MATN2: variants seen among roughly 807,000 people sequenced by gnomAD.
MATN2 encodes the protein matrilin 2, also known as matrilin-2.
MATN2 carries 69 observed loss-of-function variants against 103.2 expected under a neutral mutation model. The observed-to-expected ratio is 0.67, with a 90% CI of 0.55 to 0.82. MATN2 has a LOEUF of 0.82. MATN2 is among the 40% of genes least tolerant of loss of function. The pLI is 0.00. For missense variants in MATN2, 1,023 were observed against 1,211.5 expected, an observed-to-expected ratio of 0.84 and a Z score of 2.31; for synonymous variants, 429 against 450.2, an observed-to-expected ratio of 0.95 and a Z score of 0.60.
At chr8:97,903,316 A>G (rs1819051403) in intron 2 of MATN2, among the ~76,000 whole-genome samples, 1 of 152,160 alleles carries the variant, frequency 6.6e-6, no homozygotes, top group African/African-American at 2.4e-5. Context: ...TTATAATGCC[A>G]GGGTAAAGAT....
chr8:97,876,608 G>A (rs1818080571), intron 1 of MATN2, among the ~76,000 whole-genome samples: 2 of 152,170 alleles, frequency 1.3e-5, no homozygotes, highest in Admixed American at 6.5e-5. Flanking sequence ...ACAGGCTTAA[G>A]CCACTGCGCC....
intron 5 of MATN2, among the ~76,000 whole-genome samples, chr8:97,973,089 A>G (rs1425892191): frequency 6.6e-6 from 1 of 152,184 alleles, no homozygotes; most frequent in African/African-American, 2.4e-5. Flanking sequence ...TGGCCTTAAA[A>G]AACTGTTAGA....
intron 1 of MATN2, among the ~76,000 whole-genome samples, chr8:97,874,406 C>CTTCTTTTT (rs371042037): frequency 4.4e-5 from 6 of 136,094 alleles, no homozygotes; most frequent in Non-Finnish European, 7.9e-5. Context: ...TCTTCTTCTT[C>CTTCTTTTT]TTTTTTTTTT....
intron 2 of MATN2, among the ~76,000 whole-genome samples, chr8:97,905,655 G>A (rs1368604896): frequency 1.3e-5 from 2 of 151,970 alleles, no homozygotes; most frequent in African/African-American, 4.8e-5. Flanking sequence ...GGGTTTTTTT[G>A]TTTTGTTTTG....
Position 98,003,713 on chromosome 8 carries a change from C to T in MATN2, c.1257C>T (p.Asn419=). 1.9e-6 allele frequency: 3 copies of T among 1,613,944 alleles called. No homozygotes were observed. The highest frequency in any genetic ancestry group is 2.5e-6 in the Non-Finnish European group (3 of 1,179,846). Residue 419 remains asparagine, a synonymous_variant, in exon 8 of 19, where the codon AAC becomes AAT. Transcript: ENST00000254898. ...CGGGCTGTGAGCATGAGTGCGTCAA[C>T]ATGGAGGAGAGCTACTACTGCCGCT... The part of the protein sequence containing the change: ...NKPGCEHECV[N]MEESYYCRCH...
intron 6 of MATN2, among the ~76,000 whole-genome samples, chr8:97,979,353 G>A (rs1017952856): frequency 1.3e-5 from 2 of 152,230 alleles, no homozygotes; most frequent in Non-Finnish European, 2.9e-5. Context: ...TTTCATTGAA[G>A]CTTTGTGGCT....
At chr8:98,008,682 C>G (rs2444894) in intron 10 of MATN2, among the ~76,000 whole-genome samples, 1 of 152,112 alleles carries the variant, frequency 6.6e-6, no homozygotes, top group Non-Finnish European at 1.5e-5. Flanking sequence ...AGGGAGGGAT[C>G]GGGCACAGGG....
At chr8:98,033,229 T>C in intron 17 of MATN2, 53 bp downstream of exon 17, 1 of 1,488,132 alleles carries the variant, frequency 6.7e-7, no homozygotes, top group Non-Finnish European at 9.0e-7. Flanking sequence ...GCCTTTCGGC[T>C]TGCCAACAAC....
rs1489296018 is a variant in MATN2, at chr8:98,024,427, C to T, written c.1943-2989C>T. Among the ~76,000 whole-genome samples, 24 of 152,168 alleles carry T rather than the reference C, an allele frequency of 1.6e-4. 1 individual carries two copies. The highest frequency in any genetic ancestry group is 1.6e-3 in the Admixed American group (24 of 15,270). ...GGCTGAGACAGGAGAATCACTTGAACCCAGGAGGTGGAGGCAGCAGTGAGC... is the reference window on the plus strand; with the variant it reads ...GGCTGAGACAGGAGAATCACTTGAATCCAGGAGGTGGAGGCAGCAGTGAGC... On this transcript the variant is annotated intron_variant, in intron 13 of 18. Transcript: ENST00000254898.
Position 98,018,113 on chromosome 8 carries a change from C to G in MATN2, c.1816C>G (p.Arg606Gly). 1 of 1,613,634 alleles carries G rather than the reference C, an allele frequency of 6.2e-7. No homozygotes were observed. The highest frequency in any genetic ancestry group is 1.1e-5 in the South Asian group (1 of 91,044). The change falls in exon 12 of 19, where the codon CGA (arginine) becomes GGA (glycine). Residue 606 changes from arginine to glycine, a missense_variant. Transcript: ENST00000254898. ...GCTCGCTGAGGATGGGAAACGCTGC[C>G]GAAGTAAGTAGCCTCGAGGTGGAGA... ...FRLAEDGKRCRRKDVCKSTHH... is the reference protein window; with the variant it reads ...FRLAEDGKRCGRKDVCKSTHH...
chr8:97,945,207 A>G lies in MATN2; in HGVS notation c.835+3308A>G, dbSNP rs141906496. Among the ~76,000 whole-genome samples, 737 of 152,288 alleles carry G rather than the reference A, an allele frequency of 4.8e-3. 5 individuals carry two copies. Among genetic ancestry groups the G allele is most frequent in the Non-Finnish European group, 7.7e-3 (526 of 68,040 alleles). On this transcript the variant is annotated intron_variant, in intron 4 of 18. Transcript: ENST00000254898. ...GCAACACATGAGGTCAAGCCTAACT[A>G]TAGCCACTTGTTAGGTGTTTACCAT...
At chr8:97,991,852 C>T (rs999293663) in intron 6 of MATN2, among the ~76,000 whole-genome samples, 2 of 152,144 alleles carry the variant, frequency 1.3e-5, no homozygotes, top group South Asian at 4.1e-4. Flanking sequence ...GCATGAGCCA[C>T]CACCCCTGGC....
At chr8:98,024,029 G>A (rs568227690) in intron 13 of MATN2, among the ~76,000 whole-genome samples, 1 of 152,082 alleles carries the variant, frequency 6.6e-6, no homozygotes, top group African/African-American at 2.4e-5. Flanking sequence ...AACACACACC[G>A]GGGCCTGTTG....
intron 13 of MATN2, among the ~76,000 whole-genome samples, chr8:98,023,541 C>T (rs750960897): frequency 3.6e-4 from 55 of 152,038 alleles, no homozygotes; most frequent in Non-Finnish European, 5.7e-4. Flanking sequence ...TGTGGTGGTA[C>T]GTGGCTGTGG....
chr8:97,880,086 T>C (rs867078052), intron 1 of MATN2, among the ~76,000 whole-genome samples: 205 of 144,792 alleles, frequency 1.4e-3, no homozygotes, highest in Middle Eastern at 7.1e-3. Context: ...TTTCTTTCTT[T>C]TTTTTTTTTT....
At chr8:97,944,635 G>A (rs977960244) in intron 4 of MATN2, among the ~76,000 whole-genome samples, 4 of 152,136 alleles carry the variant, frequency 2.6e-5, no homozygotes, top group African/African-American at 4.8e-5. Context: ...AAGATGGGAC[G>A]GGTGGTAACA....
At chr8:97,908,940 C>T (rs562216098) in intron 2 of MATN2, among the ~76,000 whole-genome samples, 10 of 151,710 alleles carry the variant, frequency 6.6e-5, no homozygotes, top group Non-Finnish European at 1.5e-4. Flanking sequence ...AGCCCCTCCC[C>T]GCCCCCTTTT....
chr8:98,007,723 A>C lies in MATN2; in HGVS notation c.1573+122A>C. 8.2e-7 allele frequency: 1 copy of C among 1,212,960 alleles called. No individual in the cohort carries two copies. Among genetic ancestry groups the C allele is most frequent in the Non-Finnish European group, 1.1e-6 (1 of 871,018 alleles). The allele number at this position is 1,212,960 out of a possible 1,614,324, so 75.1% of individuals were successfully genotyped here. On this transcript the variant is annotated intron_variant, in intron 10 of 18. Transcript: ENST00000254898. This position sits in a 1 kb window ranked among gnomAD's most constrained non-coding sequence, Gnocchi z 4.2. ...TCCAGGCTTTGCTGGGCCTGCATGA[A>C]TGTGTGTGACAGCATCTCTTAGCCA...
At chr8:98,009,251 C>T (rs1308743465) in intron 10 of MATN2, among the ~76,000 whole-genome samples, 1 of 152,162 alleles carries the variant, frequency 6.6e-6, no homozygotes, top group Non-Finnish European at 1.5e-5. Context: ...TTCTGCCTGT[C>T]CCAGAATGAT....
Sources: gnomAD v4.1 joint callset for allele counts (sites outside exome capture counted in the v4.1 genomes callset) on GRCh38, gnomAD v4.1.1 for gene constraint, Gnocchi (gnomAD v3.1) non-coding constraint, MANE v1.5 for transcripts, NCBI Gene and HGNC (gene_info 2026-07-23, HGNC 2026-07-21) for gene names.